Variants in PPP1R1C observed in about 807,000 individuals in gnomAD.
PPP1R1C encodes protein phosphatase 1 regulatory inhibitor subunit 1C, also known as protein phosphatase 1 regulatory subunit 1C.
A neutral mutation model predicts 17.4 loss-of-function variants in PPP1R1C; 15 were observed. That is an observed-to-expected ratio of 0.86 (90% CI 0.58 to 1.33). The LOEUF (loss-of-function observed/expected upper bound fraction) is 1.33. Among genes scored for constraint, PPP1R1C ranks in the 40% most tolerant of loss-of-function variants. PPP1R1C has a pLI of 0.00. For synonymous variants in PPP1R1C, 35 were observed against 43.1 expected, an observed-to-expected ratio of 0.81 and a Z score of 0.73; for missense variants, 143 against 130.0, an observed-to-expected ratio of 1.10 and a Z score of -0.48.
At chr2:182,107,882 C>G (rs983275734) in intron 4 of PPP1R1C, among the ~76,000 whole-genome samples, 1 of 151,900 alleles carries the variant, frequency 6.6e-6, no homozygotes, top group African/African-American at 2.4e-5. Flanking sequence ...CATAGCCTGC[C>G]TTTCTGCTTG....
At chr2:182,084,505 G>A (rs987243429) in intron 4 of PPP1R1C, among the ~76,000 whole-genome samples, 7 of 151,914 alleles carry the variant, frequency 4.6e-5, no homozygotes, top group Middle Eastern at 3.2e-3. Context: ...TTTTCTCAGC[G>A]CCATTTATTA....
chr2:182,039,798 C>T lies in PPP1R1C; in HGVS notation c.143-21644C>T, dbSNP rs560781762. On this transcript the variant is annotated intron_variant, in intron 2 of 4. Coordinates refer to ENST00000682840, the MANE Select transcript of PPP1R1C (RefSeq NM_001080545.3). ...CCAATATGTAGTTTTTAATCCTTCA[C>T]CCCCCTCACCCTCTCCCAATTCTGA... Among the ~76,000 whole-genome samples, 16 of 152,218 alleles carry T rather than the reference C, an allele frequency of 1.1e-4. No homozygotes were observed. The South Asian group carries it at 3.3e-3, about 32-fold the overall frequency.
upstream of PPP1R1C, among the ~76,000 whole-genome samples, chr2:181,982,206 A>T (rs542469485): frequency 6.6e-6 from 1 of 152,334 alleles, no homozygotes; most frequent in Admixed American, 6.5e-5. Context: ...ACAATTAAAA[A>T]ACAAGTATTG....
intron 2 of PPP1R1C, among the ~76,000 whole-genome samples, chr2:182,014,611 G>T (rs1009935108): frequency 2.0e-5 from 3 of 151,488 alleles, no homozygotes; most frequent in Non-Finnish European, 4.4e-5. Flanking sequence ...CAGCCAGGCT[G>T]ATGTCCTTCC....
At chr2:182,047,944 T>C (rs1312781244) in intron 2 of PPP1R1C, among the ~76,000 whole-genome samples, 1 of 152,168 alleles carries the variant, frequency 6.6e-6, no homozygotes, top group Non-Finnish European at 1.5e-5. Context: ...GTGTTTTCTT[T>C]GTCATTTCTA....
intron 2 of PPP1R1C, among the ~76,000 whole-genome samples, chr2:182,043,570 CA>C (rs556436274): frequency 2.6e-4 from 40 of 150,956 alleles, no homozygotes; most frequent in South Asian, 1.0e-3. Context: ...CATGTGTAAG[CA>C]GTTTACACAT....
At chr2:181,980,150 T>G (rs1288745875) in intron 2 of PPP1R1C, among the ~76,000 whole-genome samples, 1 of 152,236 alleles carries the variant, frequency 6.6e-6, no homozygotes, top group Non-Finnish European at 1.5e-5. Flanking sequence ...AATGAGATAC[T>G]CAATAAATAT....
intron 2 of PPP1R1C, among the ~76,000 whole-genome samples, chr2:182,019,153 T>G (rs1159956459): frequency 6.6e-6 from 1 of 152,142 alleles, no homozygotes; most frequent in Non-Finnish European, 1.5e-5. Context: ...AGAGATTATT[T>G]GAAAGAGTAA....
intron 4 of PPP1R1C, among the ~76,000 whole-genome samples, chr2:182,089,066 C>A (rs1688710135): frequency 6.6e-6 from 1 of 152,140 alleles, no homozygotes; most frequent in African/African-American, 2.4e-5. Flanking sequence ...TGGCCCTGTG[C>A]AGGACCACCA....
At chr2:181,958,051 T>C (rs1199512413) in intron 1 of PPP1R1C, among the ~76,000 whole-genome samples, 1 of 152,148 alleles carries the variant, frequency 6.6e-6, no homozygotes, top group African/African-American at 2.4e-5. Flanking sequence ...GGGTTTCCAA[T>C]ATAGCTGTTT....
At chr2:181,987,781 G>C in intron 1 of PPP1R1C, 58 bp from the exon 2 acceptor site, 1 of 1,561,624 alleles carries the variant, frequency 6.4e-7, no homozygotes, top group Non-Finnish European at 8.8e-7. Flanking sequence ...AAGCTGCAGA[G>C]TAACCTGGAG....
intron 2 of PPP1R1C, among the ~76,000 whole-genome samples, chr2:182,049,219 A>G (rs1029763129): frequency 5.3e-5 from 8 of 151,628 alleles, no homozygotes; most frequent in African/African-American, 1.7e-4. Context: ...AGTCCCAGCT[A>G]CTTAGGAGGC....
chr2:182,120,817 C>G (rs1326542888), downstream of PPP1R1C, among the ~76,000 whole-genome samples: 2 of 151,960 alleles, frequency 1.3e-5, no homozygotes, highest in Admixed American at 1.3e-4. Flanking sequence ...TACAGTATAG[C>G]TTCTGGATTT....
chr2:182,044,874 G>A (rs1687296068), intron 2 of PPP1R1C, among the ~76,000 whole-genome samples: 1 of 152,106 alleles, frequency 6.6e-6, no homozygotes, highest in Non-Finnish European at 1.5e-5. Flanking sequence ...ATTTAAATGT[G>A]TTTTTATTCT....
intron 2 of PPP1R1C, among the ~76,000 whole-genome samples, chr2:181,979,479 C>G (rs866317571): frequency 1.5e-4 from 23 of 152,280 alleles, no homozygotes; most frequent in Middle Eastern, 3.4e-3. Context: ...ACATGGGCAC[C>G]ACAGTGATCA....
chr2:182,088,183 A>C (rs1196149), intron 4 of PPP1R1C, among the ~76,000 whole-genome samples: 99,982 of 151,972 alleles, frequency 0.66, 33,256 homozygotes, highest in African/African-American at 0.73. Context: ...GTATTTAAAG[A>C]TTTACGGGTA....
intron 4 of PPP1R1C, among the ~76,000 whole-genome samples, chr2:182,095,286 GA>G (rs1216423014): frequency 3.3e-5 from 5 of 150,058 alleles, no homozygotes; most frequent in Non-Finnish European, 7.4e-5. Flanking sequence ...GTGACAGAGC[GA>G]GACTCCATCT....
At chr2:182,097,830 T>C in intron 4 of PPP1R1C, among the ~76,000 whole-genome samples, 1 of 152,188 alleles carries the variant, frequency 6.6e-6, no homozygotes, top group Non-Finnish European at 1.5e-5. Context: ...ACATGAGCAA[T>C]TTATAATATA....
chr2:182,063,428 G>T (rs1395008554), intron 3 of PPP1R1C, among the ~76,000 whole-genome samples: 1 of 151,972 alleles, frequency 6.6e-6, no homozygotes, highest in African/African-American at 2.4e-5. Context: ...AAGGATTGGT[G>T]TCTCTTTTTC....
Sources: gnomAD v4.1 joint callset for allele counts (sites outside exome capture counted in the v4.1 genomes callset) on GRCh38, gnomAD v4.1.1 for gene constraint, MANE v1.5 for transcripts, NCBI Gene and HGNC (gene_info 2026-07-23, HGNC 2026-07-21) for gene names.